Variants in OR2A2 observed in about 807,000 individuals in gnomAD.
OR2A2 encodes olfactory receptor 2A2.
For missense variants in OR2A2, 380 were observed against 384.8 expected (o/e 0.99, Z 0.10); for synonymous variants, 163 against 154.8 (o/e 1.05, Z -0.40).
Position 144,110,538 on chromosome 7 carries a change from A to C in OR2A2, c.956A>C (p.Ter319SerextTer?). 1 of 1,544,090 alleles carries C rather than the reference A, an allele frequency of 6.5e-7. No individual in the cohort carries two copies. Reference protein sequence around the residue: ...SMRTVYGLCL* With the variant: ...SMRTVYGLCLS ...AGAACGGTGTATGGGCTTTGCCTTT[A>C]AAACATGTGGTTTGCTGAAGCAAGA... Residue 319 changes from the stop codon to serine (S), a stop_lost, in exon 1 of 1, where the codon TAA becomes TCA. Transcript: ENST00000408979.
chr7:144,110,346 T>C lies in OR2A2; in HGVS notation c.764T>C (p.Met255Thr), dbSNP rs2051362407. 1 of 1,614,094 alleles carries C rather than the reference T, an allele frequency of 6.2e-7. No individual in the cohort carries two copies. Among genetic ancestry groups the C allele is most frequent in the African/African-American group, 1.3e-5 (1 of 75,040 alleles). The change falls in exon 1 of 1, where the codon ATG (methionine) becomes ACG (threonine). Residue 255 changes from methionine (M) to threonine (T), a missense_variant. By Grantham distance (81) the Met-to-Thr change is moderately conservative (BLOSUM62 -1). Coordinates refer to ENST00000408979, the MANE Select transcript of OR2A2 (RefSeq NM_001005480.2). The part of the protein sequence containing the change: ...CVVGLFFGIA[M>T]VVYMVPDSNQ... ...GTTGGACTATTCTTTGGCATAGCCA[T>C]GGTGGTTTACATGGTCCCAGACTCT...
chr7:144,110,539 A>G lies in OR2A2; in HGVS notation c.957A>G (p.Ter319=), dbSNP rs1191323067. ...SMRTVYGLCL[*] ...GAACGGTGTATGGGCTTTGCCTTTA[A>G]AACATGTGGTTTGCTGAAGCAAGAA... Residue 319 remains the stop codon, a stop_retained_variant, in exon 1 of 1, where the codon TAA becomes TAG. Transcript: ENST00000408979. The G allele has an allele frequency of 6.5e-7, 1 of 1,536,938 alleles. No individual in the cohort carries two copies. The highest frequency in any genetic ancestry group is 1.4e-5 in the African/African-American group (1 of 72,360).
Position 144,110,301 on chromosome 7 carries a change from G to T in OR2A2, c.719G>T (p.Cys240Phe). 1 of 1,613,946 alleles carries T rather than the reference G, an allele frequency of 6.2e-7. No individual in the cohort carries two copies. The highest frequency in any genetic ancestry group is 8.5e-7 in the Non-Finnish European group (1 of 1,179,870). ...GGCCGCATAAAGGCCTTCTCCACCT[G>T]CTCCTCCCACCTGTGTGTGGTTGGA... is the stretch of plus-strand genomic sequence containing the variant. Reference protein sequence around the residue: ...KEGRIKAFSTCSSHLCVVGLF... With the variant: ...KEGRIKAFSTFSSHLCVVGLF... Residue 240 changes from cysteine (C) to phenylalanine (F), a missense_variant, in exon 1 of 1, where the codon TGC becomes TTC. Coordinates refer to ENST00000408979, the MANE Select transcript of OR2A2 (RefSeq NM_001005480.2).
rs576948090 is a variant in OR2A2 at position 144,109,718 on chromosome 7, G to A, written c.136G>A (p.Gly46Arg). ...CCTGCTGGGGAATGGGGTCATCTTT[G>A]GGATTATCTGCCTGGACTCTAAGCT... ...LTLLGNGVIF[G>R]IICLDSKLHT... Residue 46 changes from glycine to arginine, a missense_variant, in exon 1 of 1, where the codon GGG (glycine) becomes AGG (arginine). Gly to Arg is a moderately radical substitution (Grantham distance 125, BLOSUM62 -2). Transcript: ENST00000408979. The A allele has an allele frequency of 4.5e-5, 73 of 1,613,976 alleles. No individual in the cohort carries two copies. In the East Asian group the frequency reaches 1.6e-3, roughly 35 times the overall value.
Position 144,109,936 on chromosome 7 carries a change from C to T in OR2A2, c.354C>T (p.Ser118=), listed in dbSNP as rs1408036779. 1.9e-6 allele frequency: 3 copies of T among 1,613,818 alleles called. No homozygotes were observed. Among genetic ancestry groups the T allele is most frequent in the African/African-American group, 1.3e-5 (1 of 74,904 alleles). The change falls in exon 1 of 1, where the codon TCC becomes TCT. Residue 118 remains serine, a synonymous_variant. Transcript: ENST00000408979. Reference sequence around the variant, plus strand: ...AGTGCCTGATTTTGGTGGTGATGTCCTATGATAGGTATGTGGCCATCTGCC... The same window carrying T: ...AGTGCCTGATTTTGGTGGTGATGTCTTATGATAGGTATGTGGCCATCTGCC... ...VTECLILVVM[S]YDRYVAICHP...
chr7:144,109,784 A>T lies in OR2A2; in HGVS notation c.202A>T (p.Ile68Phe), dbSNP rs142627182. The T allele has an allele frequency of 8.6e-4, 1,381 of 1,614,076 alleles. 14 individuals carry two copies. The African/African-American group carries it at 0.017, about 20-fold the overall frequency. ...MYFFLSHLAI[I>F]DMSYASNNVP... ...CTTCTTCCTCTCACACCTGGCCATC[A>T]TTGACATGTCCTATGCTTCCAACAA... is the stretch of plus-strand genomic sequence containing the variant. The change falls in exon 1 of 1, where the codon ATT becomes TTT. Residue 68 changes from isoleucine to phenylalanine, a missense_variant. Ile to Phe is a conservative substitution (Grantham distance 21). Transcript: ENST00000408979.
chr7:144,109,808 A>G lies in OR2A2; in HGVS notation c.226A>G (p.Asn76Asp). Residue 76 changes from asparagine to aspartate, a missense_variant, in exon 1 of 1, where the codon AAT becomes GAT. Physicochemically the swap from Asn to Asp is conservative, Grantham distance 23 (BLOSUM62 1). Transcript: ENST00000408979. Reference sequence around the variant, plus strand: ...CATTGACATGTCCTATGCTTCCAACAATGTTCCCAAGATGTTGGCAAACCT... The same window carrying G: ...CATTGACATGTCCTATGCTTCCAACGATGTTCCCAAGATGTTGGCAAACCT... ...AIIDMSYASN[N>D]VPKMLANLMN... 6.2e-7 allele frequency: 1 copy of G among 1,614,090 alleles called. No individual in the cohort carries two copies. Among genetic ancestry groups the G allele is most frequent in the Non-Finnish European group, 8.5e-7 (1 of 1,179,964 alleles).
rs141248378 is a variant in OR2A2, at chr7:144,110,020, G to T, written c.438G>T (p.Thr146=). ...GAGTGTGCACGATCCTGGTTCTCAC[G>T]TCCTGGTCATGTGGGTTTGCCCTGT... ...SWRVCTILVL[T]SWSCGFALSL... is the part of the protein sequence containing the mutation. The change falls in exon 1 of 1, where the codon ACG becomes ACT. Residue 146 remains threonine (T), a synonymous_variant. Transcript: ENST00000408979. 2 of 1,613,828 alleles carry T rather than the reference G, an allele frequency of 1.2e-6. No homozygotes were observed. Among genetic ancestry groups the T allele is most frequent in the Admixed American group, 1.7e-5 (1 of 59,972 alleles).
chr7:144,110,260 G>A lies in OR2A2; in HGVS notation c.678G>A (p.Lys226=). 2.5e-6 allele frequency: 4 copies of A among 1,614,084 alleles called. No homozygotes were observed. The highest frequency in any genetic ancestry group is 3.4e-6 in the Non-Finnish European group (4 of 1,179,962). Residue 226 remains lysine (K), a synonymous_variant, in exon 1 of 1, where the codon AAG becomes AAA. Coordinates refer to ENST00000408979, the MANE Select transcript of OR2A2 (RefSeq NM_001005480.2). ...TGCACATCCTCGGGGCCATCCTGAA[G>A]ATCCAGACAAAGGAGGGCCGCATAA... ...SYMHILGAIL[K]IQTKEGRIKA... is the part of the protein sequence containing the mutation.
chr7:144,110,312 CTGTG>C lies in OR2A2; in HGVS notation c.735_738del (p.Cys245TrpfsTer8), dbSNP rs752605697. 17 of 1,613,672 alleles carry C rather than the reference CTGTG, an allele frequency of 1.1e-5. No homozygotes were observed. Among genetic ancestry groups the C allele is most frequent in the Non-Finnish European group, 1.4e-5 (17 of 1,179,690 alleles). ...GGCCTTCTCCACCTGCTCCTCCCAC[CTGTG>C]TGTGGTTGGACTATTCTTTGGCATA... On this transcript the variant is annotated frameshift_variant, in exon 1 of 1. Transcript: ENST00000408979. LOFTEE classifies it low-confidence loss of function (END_TRUNC).
Position 144,110,138 on chromosome 7 carries a change from C to A in OR2A2, c.556C>A (p.Leu186Met). The change falls in exon 1 of 1, where the codon CTG (leucine) becomes ATG (methionine). Residue 186 changes from leucine to methionine, a missense_variant. Transcript: ENST00000408979. The part of the protein sequence containing the change: ...LFCEILSVLK[L>M]ACADTWVNQV... ...CTGTGAAATTCTGTCTGTCCTCAAG[C>A]TGGCCTGTGCTGACACCTGGGTTAA... is the stretch of plus-strand genomic sequence containing the variant. 1.2e-6 allele frequency: 2 copies of A among 1,614,010 alleles called. No homozygotes were observed. The highest frequency in any genetic ancestry group is 1.7e-6 in the Non-Finnish European group (2 of 1,179,870).
At position 144,109,969 on chromosome 7, in the gene OR2A2, C is replaced by T. The variant is rs372852701; in HGVS notation, c.387C>T (p.Phe129=). ...GGTATGTGGCCATCTGCCACCCTTT[C>T]CAGTACACTGTCATCATGAGCTGGA... ...YDRYVAICHP[F]QYTVIMSWRV... Residue 129 remains phenylalanine (F), a synonymous_variant, in exon 1 of 1, where the codon TTC becomes TTT. Coordinates refer to ENST00000408979, the MANE Select transcript of OR2A2 (RefSeq NM_001005480.2). The T allele has an allele frequency of 6.2e-7, 1 of 1,614,020 alleles. No individual in the cohort carries two copies. Among genetic ancestry groups the T allele is most frequent in the Non-Finnish European group, 8.5e-7 (1 of 1,179,946 alleles).
At position 144,109,942 on chromosome 7, in the gene OR2A2, T is replaced by C. The variant is rs375499730; in HGVS notation, c.360T>C (p.Asp120=). 2.2e-4 allele frequency: 355 copies of C among 1,613,732 alleles called. No individual in the cohort carries two copies. Among genetic ancestry groups the C allele is most frequent in the Middle Eastern group, 3.3e-4 (2 of 6,082 alleles). Residue 120 remains aspartate, a synonymous_variant, in exon 1 of 1, where the codon GAT becomes GAC. Transcript: ENST00000408979. The part of the protein sequence containing the change: ...ECLILVVMSY[D]RYVAICHPFQ... ...TGATTTTGGTGGTGATGTCCTATGA[T>C]AGGTATGTGGCCATCTGCCACCCTT...
Position 144,110,232 on chromosome 7 carries a change from A to G in OR2A2, c.650A>G (p.Tyr217Cys), listed in dbSNP as rs2051360132. The change falls in exon 1 of 1, where the codon TAC (tyrosine) becomes TGC (cysteine). Residue 217 changes from tyrosine to cysteine, a missense_variant. Coordinates refer to ENST00000408979, the MANE Select transcript of OR2A2 (RefSeq NM_001005480.2). ...VGPLSLILVS[Y>C]MHILGAILKI... ...CCTCTTTCCTTGATTCTGGTCTCCT[A>G]CATGCACATCCTCGGGGCCATCCTG... is the stretch of plus-strand genomic sequence containing the variant. 1 of 1,613,978 alleles carries G rather than the reference A, an allele frequency of 6.2e-7. No individual in the cohort carries two copies. The highest frequency in any genetic ancestry group is 1.3e-5 in the African/African-American group (1 of 74,918).
chr7:144,109,904 G>A lies in OR2A2; in HGVS notation c.322G>A (p.Val108Ile). 1 of 1,614,022 alleles carries A rather than the reference G, an allele frequency of 6.2e-7. No homozygotes were observed. Among genetic ancestry groups the A allele is most frequent in the South Asian group, 1.1e-5 (1 of 91,064 alleles). The change falls in exon 1 of 1, where the codon GTT (valine) becomes ATT (isoleucine). Residue 108 changes from valine to isoleucine, a missense_variant. Physicochemically the swap from Val to Ile is conservative, Grantham distance 29. Coordinates refer to ENST00000408979, the MANE Select transcript of OR2A2 (RefSeq NM_001005480.2). ...MQTFLYLAFA[V>I]TECLILVVMS... is the part of the protein sequence containing the mutation. ...GACTTTTTTGTATTTGGCTTTTGCTGTTACAGAGTGCCTGATTTTGGTGGT... is the reference window on the plus strand; with the variant it reads ...GACTTTTTTGTATTTGGCTTTTGCTATTACAGAGTGCCTGATTTTGGTGGT...
At position 144,109,898 on chromosome 7, in the gene OR2A2, T is replaced by G. The variant is rs767179454; in HGVS notation, c.316T>G (p.Phe106Val). Residue 106 changes from phenylalanine (F) to valine (V), a missense_variant, in exon 1 of 1, where the codon TTT (phenylalanine) becomes GTT (valine). Phe to Val is a conservative substitution (Grantham distance 50). Coordinates refer to ENST00000408979, the MANE Select transcript of OR2A2 (RefSeq NM_001005480.2). ...AATGCAGACTTTTTTGTATTTGGCTTTTGCTGTTACAGAGTGCCTGATTTT... is the reference window on the plus strand; with the variant it reads ...AATGCAGACTTTTTTGTATTTGGCTGTTGCTGTTACAGAGTGCCTGATTTT... ...CIMQTFLYLA[F>V]AVTECLILVV... The G allele has an allele frequency of 3.7e-6, 6 of 1,614,034 alleles. No homozygotes were observed. Among genetic ancestry groups the G allele is most frequent in the Admixed American group, 3.3e-5 (2 of 59,994 alleles).
In OR2A2 at chr7:144,109,611, A is replaced by T. The variant is rs369571835; in HGVS notation, c.29A>T (p.Asp10Val). MEGNQTWITDITLLGFQVGP... is the reference protein window; with the variant it reads MEGNQTWITVITLLGFQVGP... ...GAAGGCAACCAGACATGGATCACAGACATCACCCTGCTGGGATTCCAGGTT... is the reference window on the plus strand; with the variant it reads ...GAAGGCAACCAGACATGGATCACAGTCATCACCCTGCTGGGATTCCAGGTT... Residue 10 changes from aspartate to valine, a missense_variant, in exon 1 of 1, where the codon GAC becomes GTC. By Grantham distance (152) the Asp-to-Val change is radical (BLOSUM62 -3). Transcript: ENST00000408979. The T allele has an allele frequency of 3.1e-6, 5 of 1,613,154 alleles. No homozygotes were observed. The African/African-American group carries it at 6.7e-5, about 22-fold the overall frequency.
At position 144,110,191 on chromosome 7, in the gene OR2A2, G is replaced by A. The variant is rs2051359482; in HGVS notation, c.609G>A (p.Val203=). 1 of 1,613,880 alleles carries A rather than the reference G, an allele frequency of 6.2e-7. No individual in the cohort carries two copies. Among genetic ancestry groups the A allele is most frequent in the Admixed American group, 1.7e-5 (1 of 59,992 alleles). ...VNQVVIFATC[V]FVLVGPLSLI... ...AAGTGGTCATATTTGCTACCTGTGTGTTTGTCTTAGTCGGGCCTCTTTCCT... is the reference window on the plus strand; with the variant it reads ...AAGTGGTCATATTTGCTACCTGTGTATTTGTCTTAGTCGGGCCTCTTTCCT... Residue 203 remains valine, a synonymous_variant, in exon 1 of 1, where the codon GTG becomes GTA. Coordinates refer to ENST00000408979, the MANE Select transcript of OR2A2 (RefSeq NM_001005480.2).
rs202124257 is a variant in OR2A2, at chr7:144,110,215, C to T, written c.633C>T (p.Ser211=). Residue 211 remains serine, a synonymous_variant, in exon 1 of 1, where the codon TCC becomes TCT. Transcript: ENST00000408979. The part of the protein sequence containing the change: ...TCVFVLVGPL[S]LILVSYMHIL... ...TGTTTGTCTTAGTCGGGCCTCTTTCCTTGATTCTGGTCTCCTACATGCACA... is the reference window on the plus strand; with the variant it reads ...TGTTTGTCTTAGTCGGGCCTCTTTCTTTGATTCTGGTCTCCTACATGCACA... The T allele has an allele frequency of 2.6e-5, 42 of 1,613,998 alleles. No individual in the cohort carries two copies. Among genetic ancestry groups the T allele is most frequent in the Non-Finnish European group, 3.5e-5 (41 of 1,179,986 alleles).
Sources: allele counts gnomAD v4.1 joint callset, GRCh38; gene constraint gnomAD v4.1.1; transcripts MANE v1.5; gene names NCBI Gene and HGNC (gene_info 2026-07-23, HGNC 2026-07-21).